Variants in CCDC138 observed in about 807,000 individuals in gnomAD.
CCDC138 encodes coiled-coil domain containing 138, also known as coiled-coil domain-containing protein 138.
Under a neutral mutation model 82.3 loss-of-function variants are expected in CCDC138, and 66 were observed. The observed-to-expected ratio is 0.80, with a 90% confidence interval of 0.66 to 0.98. The LOEUF is 0.98. Among genes scored for constraint, CCDC138 ranks in the 50% least tolerant of loss-of-function variants. The probability of loss-of-function intolerance (pLI) is 0.00; values close to 1 mark genes in which losing one functional copy is unlikely to be tolerated. For missense variants in CCDC138, 816 were observed against 758.9 expected, an observed-to-expected ratio of 1.08 and a Z score of -0.88; for synonymous variants, 297 against 265.4, an observed-to-expected ratio of 1.12 and a Z score of -1.16.
At chr2:108,794,754 A>G in intron 5 of CCDC138, 33 bp downstream of exon 5, 1 of 1,481,078 alleles carries the variant, frequency 6.8e-7, no homozygotes, top group South Asian at 1.2e-5. Context: ...AGAATTCAGA[A>G]ATATTTATGT....
chr2:108,854,036 TAATATATAATAAA>T (rs1558738626), intron 12 of CCDC138, among the ~76,000 whole-genome samples: 1 of 108,560 alleles, frequency 9.2e-6, no homozygotes, highest in African/African-American at 4.1e-5. Context: ...ATATTATATA[TAATATATAATAAA>T]TTTATATTAT....
At chr2:108,806,788 A>G (rs902013111) in intron 7 of CCDC138, among the ~76,000 whole-genome samples, 1 of 152,218 alleles carries the variant, frequency 6.6e-6, no homozygotes, top group African/African-American at 2.4e-5. Flanking sequence ...TTATGCTAAC[A>G]CTGGATATAC....
intron 11 of CCDC138, among the ~76,000 whole-genome samples, chr2:108,846,517 A>G (rs1421069000): frequency 2.3e-5 from 3 of 127,668 alleles, no homozygotes; most frequent in Admixed American, 7.8e-5. Context: ...ATCTCTACCG[A>G]AAAAAAAAAA....
intron 3 of CCDC138, among the ~76,000 whole-genome samples, chr2:108,789,837 G>A (rs1007801556): frequency 6.6e-6 from 1 of 152,046 alleles, no homozygotes; most frequent in Non-Finnish European, 1.5e-5. Context: ...AACAGTGGAA[G>A]CTAAGGTAAA....
Position 108,846,747 on chromosome 2 carries a change from A to ATT in CCDC138, c.1334_1335insTT (p.Met445IlefsTer2). On this transcript the variant is annotated frameshift_variant, in exon 12 of 15. Coordinates refer to ENST00000295124, the MANE Select transcript of CCDC138 (RefSeq NM_144978.3). LOFTEE classifies it high-confidence loss of function. ...TACATATTTTTAACAGCACTCGACT[A>ATT]TGACATCAACATTGAGGAGATTGGG... The ATT allele has an allele frequency of 6.2e-7, 1 of 1,608,270 alleles. No homozygotes were observed. Among genetic ancestry groups the ATT allele is most frequent in the African/African-American group, 1.3e-5 (1 of 74,606 alleles).
downstream of CCDC138, among the ~76,000 whole-genome samples, chr2:108,880,905 C>A (rs1362251562): frequency 6.6e-6 from 1 of 152,194 alleles, no homozygotes; most frequent in Admixed American, 6.5e-5. Context: ...TTTCAACTTT[C>A]AAGTCGATTT....
intron 13 of CCDC138, among the ~76,000 whole-genome samples, chr2:108,860,958 T>TTTTTTTTTTTTTTTTTTTTTTTA (rs1693496896): frequency 6.8e-6 from 1 of 146,298 alleles, no homozygotes. Flanking sequence ...TTTTTTTTTT[T>TTTTTTTTTTTTTTTTTTTTTTTA]GGTTGGTAAG....
chr2:108,855,295 TAAAAG>T (rs1167380454), intron 12 of CCDC138, among the ~76,000 whole-genome samples: 1 of 152,156 alleles, frequency 6.6e-6, no homozygotes, highest in Non-Finnish European at 1.5e-5. Context: ...TTTGCAAACT[TAAAAG>T]AATACCATAT....
At chr2:108,818,258 G>C (rs1558667795) in intron 10 of CCDC138, among the ~76,000 whole-genome samples, 1 of 152,132 alleles carries the variant, frequency 6.6e-6, no homozygotes, top group Non-Finnish European at 1.5e-5. Context: ...AGTGAGCCGT[G>C]ATTGTACCAC....
chr2:108,820,699 C>CAAAAAAAAAAAAAAAAAAA (rs764017401), intron 10 of CCDC138, among the ~76,000 whole-genome samples: 1 of 62,582 alleles, frequency 1.6e-5, no homozygotes, highest in African/African-American at 5.3e-5. Flanking sequence ...ATTCAAAGTG[C>CAAAAAAAAAAAAAAAAAAA]AAAAAAAAAA....
intron 13 of CCDC138, among the ~76,000 whole-genome samples, chr2:108,857,764 A>G (rs1692863826): frequency 6.6e-6 from 1 of 152,206 alleles, no homozygotes; most frequent in Non-Finnish European, 1.5e-5. Flanking sequence ...GGGATCCAGT[A>G]TTACTTAAGT....
rs1393163006 is a variant in CCDC138, at chr2:108,875,507, G to GA, written c.1833-571dup. 1.5e-4 allele frequency among the ~76,000 whole-genome samples: 22 copies of GA among 150,348 alleles called. No homozygotes were observed. In the East Asian group the frequency reaches 1.6e-3, roughly 11 times the overall value. ...AATGTTTGTCTGTTTTGCTAGCTGT[G>GA]AAAAAAAAAATTCTCACGCTCTCTA... On this transcript the variant is annotated intron_variant, in intron 14 of 14. Coordinates refer to ENST00000295124, the MANE Select transcript of CCDC138 (RefSeq NM_144978.3).
At chr2:108,877,358 C>T (rs1402330749), downstream of CCDC138, among the ~76,000 whole-genome samples, 2 of 151,768 alleles carry the variant, frequency 1.3e-5, no homozygotes, top group African/African-American at 2.4e-5. Flanking sequence ...CCTAGCTACT[C>T]GGGAGGCTGA....
chr2:108,786,806 T>G lies in CCDC138; in HGVS notation c.-17T>G. 1 of 1,578,136 alleles carries G rather than the reference T, an allele frequency of 6.3e-7. No homozygotes were observed. Among genetic ancestry groups the G allele is most frequent in the Non-Finnish European group, 8.6e-7 (1 of 1,162,282 alleles). ...TGAACGCGGTTCCCGGGGAGACTGGTACGGTTGCTGTGTGCTATGGAGCCG... is the reference window on the plus strand; with the variant it reads ...TGAACGCGGTTCCCGGGGAGACTGGGACGGTTGCTGTGTGCTATGGAGCCG... On this transcript the variant is annotated 5_prime_UTR_variant, in exon 1 of 15. Transcript: ENST00000295124.
chr2:108,839,641 A>G (rs1337062928), intron 11 of CCDC138, among the ~76,000 whole-genome samples: 2 of 152,182 alleles, frequency 1.3e-5, no homozygotes. Flanking sequence ...GAGCAATTTT[A>G]GTTGGTATTG....
chr2:108,876,088 G>C lies in CCDC138; in HGVS notation c.1833G>C (p.Lys611Asn), dbSNP rs369558297. 6.4e-7 allele frequency: 1 copy of C among 1,569,978 alleles called. No individual in the cohort carries two copies. The highest frequency in any genetic ancestry group is 8.7e-7 in the Non-Finnish European group (1 of 1,144,200). The change falls in exon 15 of 15, where the codon AAG becomes AAC. Residue 611 changes from lysine to asparagine, a missense_variant and splice_region_variant. Physicochemically the swap from Lys to Asn is moderately conservative, Grantham distance 94 (BLOSUM62 0). Coordinates refer to ENST00000295124, the MANE Select transcript of CCDC138 (RefSeq NM_144978.3). Reference protein sequence around the residue: ...SIILQKLSKIKSNKKLFELFT... With the variant: ...SIILQKLSKINSNKKLFELFT... ...AATAATGTATTCATTTTTTTTACAG[G>C]AGTAATAAGAAGCTCTTTGAACTTT...
At chr2:108,880,654 C>T (rs1168202184), downstream of CCDC138, among the ~76,000 whole-genome samples, 2 of 152,098 alleles carry the variant, frequency 1.3e-5, no homozygotes, top group African/African-American at 2.4e-5. Context: ...TGCCTGTACT[C>T]TATAAATGGA....
intron 11 of CCDC138, among the ~76,000 whole-genome samples, chr2:108,842,446 A>AGG (rs1689660319): frequency 6.6e-6 from 1 of 152,112 alleles, no homozygotes; most frequent in South Asian, 2.1e-4. Context: ...CGAGAGAGAG[A>AGG]GAAAGGGACC....
At chr2:108,837,165 C>G (rs1292829112) in intron 10 of CCDC138, among the ~76,000 whole-genome samples, 1 of 152,138 alleles carries the variant, frequency 6.6e-6, no homozygotes, top group Non-Finnish European at 1.5e-5. Flanking sequence ...AGAGTGTAAT[C>G]TGTGGGCTTT....
Sources: allele counts gnomAD v4.1 joint callset (sites outside exome capture counted in the v4.1 genomes callset), GRCh38; gene constraint gnomAD v4.1.1; transcripts MANE v1.5; gene names NCBI Gene and HGNC (gene_info 2026-07-23, HGNC 2026-07-21).